Variants in ABL2 observed in about 807,000 individuals in gnomAD.
ABL2 encodes tyrosine-protein kinase ABL2.
Under a neutral mutation model 107.7 loss-of-function variants are expected in ABL2, and 49 were observed. That is an observed-to-expected ratio of 0.45 (90% confidence interval 0.36 to 0.58). The LOEUF is 0.58. ABL2 is among the 20% of genes least tolerant of loss of function. The pLI is 0.00. For synonymous variants in ABL2, 549 were observed against 548.6 expected (o/e 1.00, Z -0.01); for missense variants, 1,245 against 1,457.0 (o/e 0.85, Z 2.37).
chr1:179,217,033 C>T (rs775508657), intron 1 of ABL2, among the ~76,000 whole-genome samples: 6 of 151,796 alleles, frequency 4.0e-5, no homozygotes, highest in Non-Finnish European at 7.4e-5. Context: ...TGGGAGCTCA[C>T]GCCTGTAATA....
Position 179,184,966 on chromosome 1 carries a change from C to A in ABL2, c.157+44275G>T, listed in dbSNP as rs150129804. Among the ~76,000 whole-genome samples, 441 of 152,192 alleles carry A rather than the reference C, an allele frequency of 2.9e-3. 1 individual carries two copies. The highest frequency in any genetic ancestry group is 0.01 in the African/African-American group (426 of 41,534). Reference sequence around the variant, plus strand: ...TGGAATCACCACCACCTAGCTCTGTCGGAAAAAAAGAAAAACCTGCTCCCT... The same window carrying A: ...TGGAATCACCACCACCTAGCTCTGTAGGAAAAAAAGAAAAACCTGCTCCCT... On this transcript the variant is annotated intron_variant, in intron 1 of 11. Coordinates refer to ENST00000502732, the MANE Select transcript of ABL2 (RefSeq NM_007314.4).
intron 1 of ABL2, among the ~76,000 whole-genome samples, chr1:179,181,546 C>T (rs1660372261): frequency 6.6e-6 from 1 of 152,134 alleles, no homozygotes; most frequent in South Asian, 2.1e-4. Flanking sequence ...ATGATGCTTA[C>T]ACTATCTATA....
chr1:179,103,442 CAT>C lies in ABL2; in HGVS notation c.*4274_*4275del, dbSNP rs1309531395. 5.4e-5 allele frequency: 11 copies of C among 203,416 alleles called. No homozygotes were observed. Among genetic ancestry groups the C allele is most frequent in the African/African-American group, 1.8e-4 (8 of 43,690 alleles). 12.6% of individuals were successfully genotyped at this position (203,416 alleles called of 1,614,324 possible). ...CAAAGTGCTGTCATATACATTATCT[CAT>C]AGTCATTAAAATAATGTGAACAATA... On this transcript the variant is annotated 3_prime_UTR_variant, in exon 12 of 12. Transcript: ENST00000502732.
chr1:179,172,672 A>AT (rs903110987), intron 1 of ABL2, among the ~76,000 whole-genome samples: 9 of 152,196 alleles, frequency 5.9e-5, no homozygotes, highest in Admixed American at 4.6e-4. Flanking sequence ...CGAAAAGAGA[A>AT]TTTTAGGCAT....
chr1:179,202,520 T>C (rs1661730609), intron 1 of ABL2, among the ~76,000 whole-genome samples: 1 of 152,180 alleles, frequency 6.6e-6, no homozygotes, highest in Non-Finnish European at 1.5e-5. Flanking sequence ...GCTTAAAAAA[T>C]AGGAAAGGAG....
rs949926413 is a variant in ABL2 at position 179,110,334 on chromosome 1, G to A, written c.1773C>T (p.Asn591=). 1.2e-6 allele frequency: 2 copies of A among 1,614,162 alleles called. No homozygotes were observed. Among genetic ancestry groups the A allele is most frequent in the Non-Finnish European group, 1.7e-6 (2 of 1,180,038 alleles). Reference sequence around the variant, plus strand: ...CTGTGGCATCTTGTGCCCCTTCAATGTTCTCCTTGTTCTCCACCTGTTTCT... The same window carrying A: ...CTGTGGCATCTTGTGCCCCTTCAATATTCTCCTTGTTCTCCACCTGTTTCT... ...TLKKQVENKE[N]IEGAQDATEN... is the part of the protein sequence containing the mutation. Residue 591 remains asparagine (N), a synonymous_variant, in exon 11 of 12, where the codon AAC becomes AAT. Transcript: ENST00000502732.
chr1:179,102,663 A>G lies in ABL2; in HGVS notation c.*5055T>C. 1 of 230,098 alleles carries G rather than the reference A, an allele frequency of 4.3e-6. No homozygotes were observed. The highest frequency in any genetic ancestry group is 6.2e-5 in the East Asian group (1 of 16,132). 14.3% of individuals were successfully genotyped at this position (230,098 alleles called of 1,614,324 possible). On this transcript the variant is annotated 3_prime_UTR_variant, in exon 12 of 12. Coordinates refer to ENST00000502732, the MANE Select transcript of ABL2 (RefSeq NM_007314.4). ...AACAAAAATATAGATAACCCTGTCAACCCAATATGAACTCCTGGTAGGGGC... is the reference window on the plus strand; with the variant it reads ...AACAAAAATATAGATAACCCTGTCAGCCCAATATGAACTCCTGGTAGGGGC...
intron 1 of ABL2, among the ~76,000 whole-genome samples, chr1:179,199,816 T>C (rs911691870): frequency 2.7e-5 from 4 of 147,228 alleles, no homozygotes; most frequent in African/African-American, 7.5e-5. Context: ...CACTGCAGCC[T>C]TGAACTCCTG....
intron 10 of ABL2, chr1:179,110,980 CTTTT>C (rs376797144): frequency 0.059 from 34,168 of 583,610 alleles, 5 homozygotes; most frequent in Middle Eastern, 0.096. Flanking sequence ...TTATTTTTGG[CTTTT>C]TTTTTTTTTT....
rs1653536701 is a variant in ABL2, at chr1:179,107,372, C to G, written c.*346G>C. On this transcript the variant is annotated 3_prime_UTR_variant, in exon 12 of 12. Transcript: ENST00000502732. ...GCCCCAGGTCTGGGTGCAGCTGCTGCAGTCTTGCTGAGAGCAGCCCTGCCT... is the reference window on the plus strand; with the variant it reads ...GCCCCAGGTCTGGGTGCAGCTGCTGGAGTCTTGCTGAGAGCAGCCCTGCCT... The G allele has an allele frequency of 3.5e-6, 1 of 283,028 alleles. No individual in the cohort carries two copies. Among genetic ancestry groups the G allele is most frequent in the Admixed American group, 4.6e-5 (1 of 21,536 alleles). The allele number at this position is 283,028 out of a possible 1,614,324, so 17.5% of individuals were successfully genotyped here. A position where few individuals can be genotyped will look rare whatever the true frequency, so the allele number is the denominator to read the frequency against.
intron 1 of ABL2, 74 bp downstream of exon 1, chr1:179,229,167 T>TACCC: frequency 1.5e-5 from 6 of 402,572 alleles, no homozygotes; most frequent in Non-Finnish European, 1.9e-5. Context: ...GGGCAGCCCG[T>TACCC]CCGCCACCCA....
At chr1:179,203,284 G>T (rs1348071176) in intron 1 of ABL2, among the ~76,000 whole-genome samples, 1 of 152,102 alleles carries the variant, frequency 6.6e-6, no homozygotes, top group Non-Finnish European at 1.5e-5. Context: ...AAGAATGAAG[G>T]TTTTCCTCTC....
chr1:179,163,370 T>C (rs1553226804), intron 1 of ABL2, among the ~76,000 whole-genome samples: 1 of 152,220 alleles, frequency 6.6e-6, no homozygotes, highest in Non-Finnish European at 1.5e-5. Flanking sequence ...AATCCCATTC[T>C]TGAGTATTTA....
chr1:179,207,517 T>TA (rs1343386577), intron 1 of ABL2, among the ~76,000 whole-genome samples: 5 of 152,300 alleles, frequency 3.3e-5, no homozygotes, highest in African/African-American at 7.2e-5. Flanking sequence ...ATAAAAATGT[T>TA]AAAAAATAAT....
chr1:179,099,604 T>C lies in ABL2; in HGVS notation c.*8114A>G, dbSNP rs1652932268. 1 of 230,512 alleles carries C rather than the reference T, an allele frequency of 4.3e-6. No homozygotes were observed. Among genetic ancestry groups the C allele is most frequent in the African/African-American group, 2.2e-5 (1 of 45,218 alleles). The allele number at this position is 230,512 out of a possible 1,614,324, so 14.3% of individuals were successfully genotyped here. ...TTAGTTAAATCCCACATTGTCTCAC[T>C]ATGTCCCCTTAGCAATGCACACAGT... On this transcript the variant is annotated 3_prime_UTR_variant, in exon 12 of 12. Transcript: ENST00000502732.
chr1:179,218,600 T>C (rs1558006706), intron 1 of ABL2, among the ~76,000 whole-genome samples: 1 of 152,212 alleles, frequency 6.6e-6, no homozygotes, highest in African/African-American at 2.4e-5. Context: ...TTTCACCATG[T>C]AGGCCAGGAG....
chr1:179,142,855 G>A lies in ABL2; in HGVS notation c.158-9481C>T, dbSNP rs1336521933. ...AGACAAAAACAGTAGCAGATAAGAT[G>A]AATTTTTTGAAATCTTCATTCACAC... On this transcript the variant is annotated intron_variant, in intron 1 of 11. Transcript: ENST00000502732. The A allele has an allele frequency of 8.4e-5, 127 of 1,517,754 alleles. 1 individual carries two copies. Among genetic ancestry groups the A allele is most frequent in the Non-Finnish European group, 1.0e-4 (117 of 1,118,756 alleles). 94.0% of individuals were successfully genotyped at this position (1,517,754 alleles called of 1,614,324 possible). A position where few individuals can be genotyped will look rare whatever the true frequency, so the allele number is the denominator to read the frequency against.
chr1:179,201,655 G>A, intron 1 of ABL2: 1 of 512,862 alleles, frequency 1.9e-6, no homozygotes, highest in South Asian at 1.8e-5. Flanking sequence ...TTTCGGGATA[G>A]CGTGTCCTCT....
At chr1:179,181,255 T>C (rs919239241) in intron 1 of ABL2, among the ~76,000 whole-genome samples, 2 of 152,218 alleles carry the variant, frequency 1.3e-5, no homozygotes, top group South Asian at 2.1e-4. Flanking sequence ...CCCTCCAACA[T>C]TGCCCTAAGA....
Sources: gnomAD v4.1 joint callset for allele counts (sites outside exome capture counted in the v4.1 genomes callset) on GRCh38, gnomAD v4.1.1 for gene constraint, MANE v1.5 for transcripts, NCBI Gene and HGNC (gene_info 2026-07-23, HGNC 2026-07-21) for gene names.